Variants in IPCEF1 observed in about 807,000 individuals in gnomAD.
The protein encoded by IPCEF1 is interactor protein for cytohesin exchange factors 1.
Under a neutral mutation model 50.9 loss-of-function variants are expected in IPCEF1, and 31 were observed. The ratio of observed to expected loss-of-function variants is 0.61; its 90% CI spans 0.46 to 0.82. The LOEUF is 0.82. Among genes scored for constraint, IPCEF1 ranks in the 40% least tolerant of loss-of-function variants. The pLI is 0.00. For missense variants in IPCEF1, 458 were observed against 514.0 expected (o/e 0.89, Z 1.05); for synonymous variants, 181 against 192.0 (o/e 0.94, Z 0.47).
At chr6:154,271,195 CA>C (rs141674700) in intron 2 of IPCEF1, among the ~76,000 whole-genome samples, 5 of 137,524 alleles carry the variant, frequency 3.6e-5, no homozygotes, top group African/African-American at 1.3e-4. Flanking sequence ...CCCATCTCTA[CA>C]AAAAAAAAAT....
chr6:154,184,486 T>A (rs1254914403), intron 10 of IPCEF1, among the ~76,000 whole-genome samples: 1 of 152,080 alleles, frequency 6.6e-6, no homozygotes. Flanking sequence ...CTAATTCTAT[T>A]TACATTTTTT....
chr6:154,249,282 G>A (rs538352883), intron 3 of IPCEF1, among the ~76,000 whole-genome samples: 15 of 152,088 alleles, frequency 9.9e-5, no homozygotes, highest in African/African-American at 3.4e-4. Flanking sequence ...ACCTTTTTTT[G>A]ATATGCCAAT....
intron 7 of IPCEF1, 127 bp downstream of exon 7, chr6:154,221,130 A>C: frequency 1.4e-6 from 1 of 702,196 alleles, no homozygotes; most frequent in South Asian, 2.2e-5. Flanking sequence ...ACTGCTAAAT[A>C]AATTAATCCT....
intron 1 of IPCEF1, among the ~76,000 whole-genome samples, chr6:154,343,514 G>C (rs758932811): frequency 2.8e-4 from 43 of 152,202 alleles, no homozygotes; most frequent in Non-Finnish European, 5.6e-4. Flanking sequence ...CCCTGGGAAA[G>C]CTTTTCCTCC....
intron 2 of IPCEF1, among the ~76,000 whole-genome samples, chr6:154,284,108 C>G (rs1458442844): frequency 1.3e-5 from 2 of 152,110 alleles, no homozygotes; most frequent in Admixed American, 6.6e-5. Flanking sequence ...GCAATCAATC[C>G]TCACACATTT....
At chr6:154,284,244 G>C (rs1782298564) in intron 2 of IPCEF1, among the ~76,000 whole-genome samples, 1 of 152,122 alleles carries the variant, frequency 6.6e-6, no homozygotes, top group Non-Finnish European at 1.5e-5. Flanking sequence ...AAAATGTGAA[G>C]TTAATTTTAA....
chr6:154,311,672 A>T (rs1783080347), intron 1 of IPCEF1, among the ~76,000 whole-genome samples: 1 of 152,258 alleles, frequency 6.6e-6, no homozygotes. Context: ...CAAATGGCCA[A>T]CAAGTGTATG....
intron 7 of IPCEF1, 50 bp downstream of exon 7, chr6:154,221,207 G>A: frequency 1.5e-6 from 2 of 1,343,214 alleles, no homozygotes; most frequent in Non-Finnish European, 2.1e-6. Flanking sequence ...CCAGGCTAAA[G>A]TTAAGTATAT....
At chr6:154,163,755 TA>T (rs1278706603) in intron 11 of IPCEF1, among the ~76,000 whole-genome samples, 2 of 152,212 alleles carry the variant, frequency 1.3e-5, no homozygotes, top group African/African-American at 4.8e-5. Flanking sequence ...TTCTGAACCC[TA>T]TTTGGAGTCT....
chr6:154,196,385 C>G (rs958794559), intron 10 of IPCEF1, among the ~76,000 whole-genome samples: 2 of 152,268 alleles, frequency 1.3e-5, no homozygotes, highest in East Asian at 1.9e-4. Context: ...CATGCATGCT[C>G]TAGAATGCCT....
intron 5 of IPCEF1, among the ~76,000 whole-genome samples, chr6:154,231,036 T>C (rs1779672896): frequency 6.6e-6 from 1 of 152,188 alleles, no homozygotes; most frequent in South Asian, 2.1e-4. Context: ...CATATAAATC[T>C]ATTGTTTTCT....
chr6:154,238,539 C>T (rs1040351493), intron 5 of IPCEF1, among the ~76,000 whole-genome samples: 1 of 152,014 alleles, frequency 6.6e-6, no homozygotes, highest in Non-Finnish European at 1.5e-5. Flanking sequence ...GTGCTGGGAT[C>T]ATAGGCATGA....
At chr6:154,281,754 G>A (rs1782217320) in intron 2 of IPCEF1, among the ~76,000 whole-genome samples, 1 of 152,152 alleles carries the variant, frequency 6.6e-6, no homozygotes, top group Non-Finnish European at 1.5e-5. Flanking sequence ...TGTAATCTCA[G>A]CACTTTGGGA....
At position 154,284,796 on chromosome 6, in the gene IPCEF1, T is replaced by C. The variant is rs544535938; in HGVS notation, c.-18+4917A>G. ...GCGGGTGGACCACAAGGTCAGGAGA[T>C]CAAGACCATCCTGGCCAACATAGTG... On this transcript the variant is annotated intron_variant, in intron 2 of 11. Coordinates refer to ENST00000367220, the MANE Select transcript of IPCEF1 (RefSeq NM_001130700.2). Among the ~76,000 whole-genome samples, 31 of 152,192 alleles carry C rather than the reference T, an allele frequency of 2.0e-4. 1 individual carries two copies. The highest frequency in any genetic ancestry group is 1.8e-3 in the Admixed American group (27 of 15,290).
At chr6:154,173,125 T>C (rs1040693727) in intron 10 of IPCEF1, among the ~76,000 whole-genome samples, 1 of 151,962 alleles carries the variant, frequency 6.6e-6, no homozygotes, top group Non-Finnish European at 1.5e-5. Flanking sequence ...AGCATCAACA[T>C]CAACAAAAAG....
At chr6:154,195,297 G>A (rs369011399) in intron 10 of IPCEF1, among the ~76,000 whole-genome samples, 224 of 151,782 alleles carry the variant, frequency 1.5e-3, no homozygotes, top group African/African-American at 5.0e-3. Context: ...ACAGGCGCCC[G>A]CCACCACACC....
chr6:154,355,730 C>G (rs918749280), intron 1 of IPCEF1, among the ~76,000 whole-genome samples: 1 of 152,034 alleles, frequency 6.6e-6, no homozygotes, highest in South Asian at 2.1e-4. Context: ...CTCAGATGAT[C>G]CACCCGCCTT....
At chr6:154,170,578 C>T (rs114142847) in intron 10 of IPCEF1, among the ~76,000 whole-genome samples, 1,633 of 152,264 alleles carry the variant, frequency 0.011, 14 homozygotes, top group African/African-American at 0.021. Flanking sequence ...TCTACCAAAC[C>T]GTCTCACAAA....
chr6:154,235,596 A>G (rs1288272093), intron 5 of IPCEF1, among the ~76,000 whole-genome samples: 1 of 152,096 alleles, frequency 6.6e-6, no homozygotes, highest in Non-Finnish European at 1.5e-5. Flanking sequence ...AGTCAGTACA[A>G]CACATAATCT....
Sources: allele counts gnomAD v4.1 joint callset (sites outside exome capture counted in the v4.1 genomes callset), GRCh38; gene constraint gnomAD v4.1.1; transcripts MANE v1.5; gene names NCBI Gene and HGNC (gene_info 2026-07-23, HGNC 2026-07-21).